DOCK4: variants seen among roughly 807,000 people sequenced by gnomAD.
DOCK4 encodes the protein dedicator of cytokinesis protein 4.
Under a neutral mutation model 268.1 loss-of-function variants are expected in DOCK4, and 97 were observed. The ratio of observed to expected loss-of-function variants is 0.36; its 90% confidence interval spans 0.31 to 0.43. The LOEUF is 0.43. DOCK4 is among the 20% of genes least tolerant of loss of function. DOCK4 has a pLI of 1.00. For missense variants in DOCK4, 2,145 were observed against 2,455.7 expected (o/e 0.87, Z 2.67); for synonymous variants, 954 against 887.2 (o/e 1.08, Z -1.34).
intron 47 of DOCK4, 122 bp downstream of exon 47, chr7:111,740,972 T>G: frequency 8.4e-7 from 1 of 1,194,938 alleles, no homozygotes; most frequent in Non-Finnish European, 1.2e-6. Flanking sequence ...TGTTTAAAGG[T>G]TTGTCCTTAA....
chr7:112,005,624 A>G (rs956196338), intron 1 of DOCK4, among the ~76,000 whole-genome samples: 5 of 152,236 alleles, frequency 3.3e-5, no homozygotes, highest in Admixed American at 3.3e-4. Context: ...CTGAACTGAC[A>G]GTAGATTGAC....
intron 32 of DOCK4, chr7:111,784,397 G>A: frequency 3.2e-6 from 2 of 632,546 alleles, no homozygotes; most frequent in East Asian, 3.2e-5. Flanking sequence ...TCAGTGGAAT[G>A]CATCTTCATC....
At chr7:112,025,174 C>A (rs530275620) in intron 1 of DOCK4, among the ~76,000 whole-genome samples, 1 of 151,852 alleles carries the variant, frequency 6.6e-6, no homozygotes, top group Non-Finnish European at 1.5e-5. Flanking sequence ...ATCTACCATA[C>A]GCCGGCACCA....
Position 111,758,683 on chromosome 7 carries a change from T to G in DOCK4, c.4270A>C (p.Lys1424Gln). The change falls in exon 41 of 53, where the codon AAA becomes CAA. Residue 1424 changes from lysine (K) to glutamine (Q), a missense_variant. This residue lies in a region of DOCK4 where 1,598 missense variants were observed against 1,986.7 expected (regional missense o/e 0.80). Coordinates refer to ENST00000428084, the MANE Select transcript of DOCK4 (RefSeq NM_001363540.2). ...TGAAATGGTCGGTCATAGCGGAATT[T>G]CCAGATGTGATTCACTTTATAGAAG... ...KSFYKVNHIW[K>Q]FRYDRPFHKG... The G allele has an allele frequency of 6.2e-7, 1 of 1,614,010 alleles. No homozygotes were observed. Among genetic ancestry groups the G allele is most frequent in the Non-Finnish European group, 8.5e-7 (1 of 1,179,888 alleles).
chr7:111,795,400 G>A (rs532803387), intron 30 of DOCK4, among the ~76,000 whole-genome samples: 3 of 152,298 alleles, frequency 2.0e-5, no homozygotes, highest in East Asian at 3.9e-4. Context: ...GGCTCTGAGC[G>A]ACATTCTAAA....
At chr7:112,122,714 G>C (rs1005838201) in intron 1 of DOCK4, among the ~76,000 whole-genome samples, 2 of 152,114 alleles carry the variant, frequency 1.3e-5, no homozygotes, top group African/African-American at 4.8e-5. Flanking sequence ...TTTGTTGTAT[G>C]CTTATGTGCT....
chr7:111,816,034 A>G (rs1801525474), intron 27 of DOCK4, among the ~76,000 whole-genome samples: 1 of 152,174 alleles, frequency 6.6e-6, no homozygotes, highest in Non-Finnish European at 1.5e-5. Context: ...TTTATGTATA[A>G]AAGAAAAACT....
chr7:112,022,934 T>G (rs536592404), intron 1 of DOCK4, among the ~76,000 whole-genome samples: 34 of 152,270 alleles, frequency 2.2e-4, no homozygotes, highest in African/African-American at 7.9e-4. Context: ...TTTTTGTTTT[T>G]GAGATGGAGT....
At chr7:111,837,813 G>A (rs943156405) in intron 25 of DOCK4, among the ~76,000 whole-genome samples, 2 of 152,110 alleles carry the variant, frequency 1.3e-5, no homozygotes, top group Non-Finnish European at 2.9e-5. Flanking sequence ...TTGGCTGGGC[G>A]TGGTGGCTCA....
chr7:112,152,535 G>GA (rs1816192474), intron 1 of DOCK4, among the ~76,000 whole-genome samples: 2 of 152,130 alleles, frequency 1.3e-5, no homozygotes, highest in Non-Finnish European at 2.9e-5. Context: ...TGATTCAACT[G>GA]AAAATGAACA....
In DOCK4 at chr7:111,809,344, A is replaced by G. The variant is rs1477699508; in HGVS notation, c.3064T>C (p.Leu1022=). The G allele has an allele frequency of 1.6e-5, 25 of 1,567,108 alleles. No individual in the cohort carries two copies. The highest frequency in any genetic ancestry group is 2.0e-5 in the Non-Finnish European group (23 of 1,154,132). Residue 1022 remains leucine (L), a synonymous_variant, in exon 29 of 53, where the codon TTG becomes CTG. Coordinates refer to ENST00000428084, the MANE Select transcript of DOCK4 (RefSeq NM_001363540.2). The part of the protein sequence containing the change: ...VIFINQLCLQ[L]EMFTPSKKKK... ...TTCTTGGAAGGTGTGAACATCTCCAACTGCAGACACAACTGGTTTATAAAA... is the reference window on the plus strand; with the variant it reads ...TTCTTGGAAGGTGTGAACATCTCCAGCTGCAGACACAACTGGTTTATAAAA...
intron 8 of DOCK4, among the ~76,000 whole-genome samples, chr7:111,972,779 A>G (rs368051627): frequency 7.9e-5 from 12 of 151,906 alleles, no homozygotes; most frequent in African/African-American, 2.7e-4. Flanking sequence ...AACACTTATC[A>G]TATGTTTTAT....
intron 23 of DOCK4, among the ~76,000 whole-genome samples, chr7:111,853,889 T>A (rs921774255): frequency 5.9e-5 from 9 of 152,188 alleles, no homozygotes; most frequent in East Asian, 1.9e-4. Context: ...AAGATTTTTT[T>A]AAATACACAT....
intron 51 of DOCK4, 53 bp from the exon 52 acceptor site, chr7:111,732,340 C>G: frequency 6.3e-7 from 1 of 1,581,428 alleles, no homozygotes; most frequent in African/African-American, 1.3e-5. Context: ...AGACGATTGA[C>G]TATCTGCACA....
At chr7:111,822,222 A>T in intron 27 of DOCK4, 140 bp downstream of exon 27, 1 of 635,826 alleles carries the variant, frequency 1.6e-6, no homozygotes, top group Non-Finnish European at 2.7e-6. Flanking sequence ...AATTCTAAAC[A>T]AGTGGTAACA....
At chr7:111,778,199 T>C in intron 36 of DOCK4, 77 bp downstream of exon 36, 1 of 998,444 alleles carries the variant, frequency 1.0e-6, no homozygotes, top group Non-Finnish European at 1.5e-6. Context: ...CTTTCCACTC[T>C]AATTACAAAA....
At chr7:111,864,339 T>C (rs1805800161) in intron 22 of DOCK4, among the ~76,000 whole-genome samples, 1 of 151,990 alleles carries the variant, frequency 6.6e-6, no homozygotes, top group Non-Finnish European at 1.5e-5. Context: ...GCTAGGATTG[T>C]ACACCAAAAC....
intron 1 of DOCK4, among the ~76,000 whole-genome samples, chr7:112,110,199 T>C (rs1811526257): frequency 6.6e-6 from 1 of 152,204 alleles, no homozygotes; most frequent in African/African-American, 2.4e-5. Context: ...ACAGATAACT[T>C]CCCAATAAAG....
intron 3 of DOCK4, 82 bp downstream of exon 3, chr7:112,000,412 T>A: frequency 2.1e-6 from 2 of 964,228 alleles, no homozygotes; most frequent in Non-Finnish European, 3.1e-6. Context: ...CCAACTGTAA[T>A]TTCAATTGTA....
Sources: gnomAD v4.1 joint callset for allele counts (sites outside exome capture counted in the v4.1 genomes callset) on GRCh38, gnomAD v4.1.1 for gene constraint, gnomAD v4.1.1 regional missense constraint, MANE v1.5 for transcripts, NCBI Gene and HGNC (gene_info 2026-07-23, HGNC 2026-07-21) for gene names.